ARHGEF28: variants seen among roughly 807,000 people sequenced by gnomAD.
The protein encoded by ARHGEF28 is 190 kDa guanine nucleotide exchange factor.
A neutral mutation model predicts 206.6 loss-of-function variants in ARHGEF28; 152 were observed. The observed-to-expected ratio is 0.74, with a 90% CI of 0.64 to 0.84. The LOEUF is 0.84. Ranked by LOEUF, ARHGEF28 falls within the 40% of genes least tolerant of loss-of-function variation. The pLI is 0.00. For synonymous variants in ARHGEF28, 763 were observed against 776.4 expected, an observed-to-expected ratio of 0.98 and a Z score of 0.29; for missense variants, 2,028 against 2,073.2, an observed-to-expected ratio of 0.98 and a Z score of 0.42.
chr5:73,844,516 A>T (rs892904506), intron 11 of ARHGEF28, among the ~76,000 whole-genome samples: 1 of 152,062 alleles, frequency 6.6e-6, no homozygotes, highest in African/African-American at 2.4e-5. Context: ...CAGGACTCAT[A>T]CCATGTATTC....
At chr5:73,867,768 A>C in intron 18 of ARHGEF28, 108 bp from the exon 19 acceptor site, 1 of 1,412,314 alleles carries the variant, frequency 7.1e-7, no homozygotes, top group Non-Finnish European at 9.7e-7. Context: ...AGCATGCATC[A>C]GATTACAAGT....
intron 20 of ARHGEF28, among the ~76,000 whole-genome samples, chr5:73,869,163 C>T (rs2112635330): frequency 7.8e-6 from 1 of 128,072 alleles, no homozygotes; most frequent in Admixed American, 1.1e-4. Flanking sequence ...TGGAACCTCT[C>T]TAATGAGTGC....
chr5:73,741,322 G>A (rs567470555), intron 2 of ARHGEF28, among the ~76,000 whole-genome samples: 17 of 136,736 alleles, frequency 1.2e-4, no homozygotes, highest in East Asian at 4.4e-4. Context: ...GGTGAAAGTC[G>A]TCTAGATTTT....
intron 2 of ARHGEF28, among the ~76,000 whole-genome samples, chr5:73,702,928 A>G (rs1262022374): frequency 6.6e-6 from 1 of 152,210 alleles, no homozygotes; most frequent in Non-Finnish European, 1.5e-5. Flanking sequence ...TGACATCTGA[A>G]TGTGTTTGGA....
At chr5:73,790,042 A>G (rs964578416) in intron 7 of ARHGEF28, among the ~76,000 whole-genome samples, 1 of 152,238 alleles carries the variant, frequency 6.6e-6, no homozygotes, top group Admixed American at 6.5e-5. Flanking sequence ...CAGTAAGAGT[A>G]GGCACACCAT....
At chr5:73,635,127 T>C (rs1328953959) in intron 1 of ARHGEF28, among the ~76,000 whole-genome samples, 1 of 152,138 alleles carries the variant, frequency 6.6e-6, no homozygotes, top group African/African-American at 2.4e-5. Context: ...GTGGATCACC[T>C]GAGGTGGAGA....
In ARHGEF28 at chr5:73,909,538, G is replaced by A. The variant is rs750356217; in HGVS notation, c.4288G>A (p.Ala1430Thr). The A allele has an allele frequency of 2.5e-6, 4 of 1,591,262 alleles. No homozygotes were observed. Among genetic ancestry groups the A allele is most frequent in the Non-Finnish European group, 1.7e-6 (2 of 1,168,898 alleles). Residue 1430 changes from alanine (A) to threonine (T), a missense_variant, in exon 34 of 36, where the codon GCG (alanine) becomes ACG (threonine). Around this residue, in one of 3 missense-constraint regions of ARHGEF28, gnomAD observed 803 missense variants for 768.0 expected, o/e 1.05. Coordinates refer to ENST00000513042, the MANE Select transcript of ARHGEF28 (RefSeq NM_001177693.2). ...GPLQDQKSRD[A>T]DRQHEELANV... ...CTTGCAGGACCAGAAGTCTCGCGAC[G>A]CGGACAGGCAGCATGAGGAGCTGGC...
chr5:73,749,444 A>G (rs1014041269), intron 2 of ARHGEF28, among the ~76,000 whole-genome samples: 1 of 152,168 alleles, frequency 6.6e-6, no homozygotes, highest in African/African-American at 2.4e-5. Flanking sequence ...AAGTGGGAGG[A>G]TTGCTTGCGC....
chr5:73,854,635 A>G (rs951094893), intron 14 of ARHGEF28, among the ~76,000 whole-genome samples: 4 of 152,254 alleles, frequency 2.6e-5, no homozygotes, highest in African/African-American at 7.2e-5. Context: ...GTTTGAGACC[A>G]GCCTAGTCAA....
intron 2 of ARHGEF28, among the ~76,000 whole-genome samples, chr5:73,696,668 G>C (rs1228500868): frequency 6.6e-6 from 1 of 152,018 alleles, no homozygotes; most frequent in Non-Finnish European, 1.5e-5. Context: ...TTCCTTTTCT[G>C]AAAGGAAATC....
chr5:73,872,919 G>A, intron 21 of ARHGEF28, 80 bp from the exon 22 acceptor site: 1 of 1,494,208 alleles, frequency 6.7e-7, no homozygotes, highest in Non-Finnish European at 9.1e-7. Flanking sequence ...AACATATAGT[G>A]TTGAGTTACT....
intron 1 of ARHGEF28, among the ~76,000 whole-genome samples, chr5:73,672,567 T>G (rs1446846140): frequency 1.3e-5 from 2 of 152,366 alleles, no homozygotes; most frequent in East Asian, 3.9e-4. Flanking sequence ...TTGCACATAG[T>G]AAGTGACAGT....
intron 16 of ARHGEF28, 33 bp downstream of exon 16, chr5:73,858,252 T>C (rs756431698): frequency 1.3e-6 from 2 of 1,537,896 alleles, no homozygotes. Context: ...GCTGTCTTTG[T>C]TTTCATCTCC....
intron 9 of ARHGEF28, among the ~76,000 whole-genome samples, chr5:73,797,401 T>C (rs1209454250): frequency 6.6e-6 from 1 of 152,178 alleles, no homozygotes; most frequent in Non-Finnish European, 1.5e-5. Context: ...ATTTGTTATC[T>C]GTTATTTTTT....
chr5:73,652,054 T>C (rs1448960714), intron 1 of ARHGEF28, among the ~76,000 whole-genome samples: 1 of 152,176 alleles, frequency 6.6e-6, no homozygotes, highest in African/African-American at 2.4e-5. Context: ...TGGAGATAAA[T>C]TGAGGATAAA....
chr5:73,669,246 C>G (rs921978042), intron 1 of ARHGEF28, among the ~76,000 whole-genome samples: 2 of 152,090 alleles, frequency 1.3e-5, no homozygotes, highest in Non-Finnish European at 2.9e-5. Context: ...TCAGTAGTAG[C>G]AAACTCATTG....
intron 2 of ARHGEF28, among the ~76,000 whole-genome samples, chr5:73,698,591 T>C (rs1748368065): frequency 1.3e-5 from 2 of 152,092 alleles, no homozygotes. Context: ...TGCCTCTGGT[T>C]TCTGAGTTTT....
chr5:73,916,493 G>A (rs977857956), intron 35 of ARHGEF28, among the ~76,000 whole-genome samples: 2 of 152,136 alleles, frequency 1.3e-5, no homozygotes, highest in South Asian at 2.1e-4. Context: ...GGTTTCTTCC[G>A]AGGCCTCTCT....
intron 2 of ARHGEF28, among the ~76,000 whole-genome samples, chr5:73,695,754 G>A (rs976971315): frequency 1.3e-5 from 2 of 152,124 alleles, no homozygotes; most frequent in Admixed American, 6.5e-5. Context: ...TTCACCTTTG[G>A]ATTATTGCCC....
Sources: gnomAD v4.1 joint callset for allele counts (sites outside exome capture counted in the v4.1 genomes callset) on GRCh38, gnomAD v4.1.1 for gene constraint, gnomAD v4.1.1 regional missense constraint, MANE v1.5 for transcripts, NCBI Gene and HGNC (gene_info 2026-07-23, HGNC 2026-07-21) for gene names.